The following SLC14A2 variants were observed in gnomAD, a reference collection of about 807,000 sequenced individuals.
SLC14A2 encodes the protein urea transporter 2.
In SLC14A2, 91 loss-of-function variants were observed where a neutral mutation model predicts 104.6. The observed-to-expected ratio is 0.87, with a 90% confidence interval of 0.73 to 1.04. SLC14A2 has a LOEUF of 1.04. SLC14A2 is among the 50% of genes least tolerant of loss of function. The pLI is 0.00. For synonymous variants in SLC14A2, 476 were observed against 466.4 expected (o/e 1.02, Z -0.27); for missense variants, 1,189 against 1,156.0 (o/e 1.03, Z -0.41).
chr18:45,268,578 A>G (rs1434933339), intron 1 of SLC14A2, among the ~76,000 whole-genome samples: 2 of 152,226 alleles, frequency 1.3e-5, no homozygotes, highest in African/African-American at 4.8e-5. Flanking sequence ...TCTTTGGGAT[A>G]GCAACACGGT....
intron 1 of SLC14A2, among the ~76,000 whole-genome samples, chr18:45,250,751 C>CTGACTTTT (rs1165070845): frequency 1.7e-4 from 19 of 113,882 alleles, no homozygotes; most frequent in African/African-American, 3.1e-4. Context: ...CTAGTGGCTT[C>CTGACTTTT]TTCCTTTTTT....
intron 1 of SLC14A2, among the ~76,000 whole-genome samples, chr18:45,407,619 C>T (rs1030547275): frequency 9.9e-5 from 15 of 152,172 alleles, no homozygotes; most frequent in South Asian, 6.2e-4. Flanking sequence ...TCCTCAAAAA[C>T]TTAATCATGT....
At chr18:45,639,721 G>A in intron 6 of SLC14A2, 25 bp from the exon 7 acceptor site, 2 of 1,611,458 alleles carry the variant, frequency 1.2e-6, no homozygotes, top group Non-Finnish European at 1.7e-6. Flanking sequence ...ATGCTCCAGT[G>A]ACCTGTATTC....
In SLC14A2 at chr18:45,583,524, A is replaced by G. The variant is rs142704925; in HGVS notation, c.-34-41107A>G. 3.6e-4 allele frequency among the ~76,000 whole-genome samples: 55 copies of G among 152,364 alleles called. No homozygotes were observed. In the East Asian group the frequency reaches 8.5e-3, roughly 23 times the overall value. On this transcript the variant is annotated intron_variant, in intron 2 of 20. Transcript: ENST00000586448. ...TATTCATCTTAAATCTACATGGTCT[A>G]AAACAGTTCCGTATACATGGTATTT...
intron 1 of SLC14A2, among the ~76,000 whole-genome samples, chr18:45,445,921 G>A (rs993664808): frequency 3.9e-5 from 6 of 152,176 alleles, no homozygotes; most frequent in Non-Finnish European, 8.8e-5. Flanking sequence ...CAGGAAAGTG[G>A]TTCTTTTGGG....
intron 1 of SLC14A2, among the ~76,000 whole-genome samples, chr18:45,363,546 G>C (rs150314298): frequency 6.6e-6 from 1 of 152,110 alleles, no homozygotes; most frequent in East Asian, 1.9e-4. Flanking sequence ...AATAGAGATC[G>C]GAGTCTCAGC....
intron 1 of SLC14A2, among the ~76,000 whole-genome samples, chr18:45,348,100 T>C (rs1350592398): frequency 3.9e-5 from 6 of 152,186 alleles, no homozygotes; most frequent in Admixed American, 3.9e-4. Flanking sequence ...TGCTGCACCA[T>C]CCAGAACACA....
chr18:45,672,494 A>G (rs1384813885), intron 16 of SLC14A2, among the ~76,000 whole-genome samples: 1 of 151,088 alleles, frequency 6.6e-6, no homozygotes. Flanking sequence ...ACGCCATTGC[A>G]CTCCAGCCTG....
At chr18:45,550,583 C>T (rs962959719) in intron 2 of SLC14A2, among the ~76,000 whole-genome samples, 1 of 151,736 alleles carries the variant, frequency 6.6e-6, no homozygotes, top group Admixed American at 6.6e-5. Flanking sequence ...AAATGAATGG[C>T]TCAATCACCA....
intron 1 of SLC14A2, among the ~76,000 whole-genome samples, chr18:45,316,500 G>A (rs964141552): frequency 3.3e-5 from 5 of 152,214 alleles, no homozygotes; most frequent in Non-Finnish European, 2.9e-5. Context: ...ATCTAACATA[G>A]GAAATTGGAT....
chr18:45,252,333 T>A (rs1211773577), intron 1 of SLC14A2, among the ~76,000 whole-genome samples: 1 of 152,208 alleles, frequency 6.6e-6, no homozygotes, highest in African/African-American at 2.4e-5. Context: ...ACCTCAGAAA[T>A]TATCTGTATC....
chr18:45,380,081 TA>T (rs1168246176), intron 1 of SLC14A2, among the ~76,000 whole-genome samples: 1 of 152,212 alleles, frequency 6.6e-6, no homozygotes, highest in African/African-American at 2.4e-5. Context: ...TCTTATACCC[TA>T]GTACCTTTTA....
rs115675656 is a variant in SLC14A2, at chr18:45,557,708, T to C, written c.-34-66923T>C. On this transcript the variant is annotated intron_variant, in intron 2 of 20. Coordinates refer to the SLC14A2 transcript ENST00000586448. ...TTGTGAGTTAGGCATCCCCTCCTAG[T>C]GTGGTCTTCTTCCCTTATTTTGCCT... Among the ~76,000 whole-genome samples, 76 of 152,266 alleles carry C rather than the reference T, an allele frequency of 5.0e-4. 2 individuals are homozygous for C. In the South Asian group the frequency reaches 0.015, roughly 30 times the overall value.
chr18:45,290,472 A>G (rs2084858472), intron 1 of SLC14A2, among the ~76,000 whole-genome samples: 1 of 152,230 alleles, frequency 6.6e-6, no homozygotes, highest in Non-Finnish European at 1.5e-5. Flanking sequence ...CAGGGAGAGA[A>G]AAGAATATTA....
chr18:45,583,191 G>T lies in SLC14A2; in HGVS notation c.-34-41440G>T, dbSNP rs116007829. ...AATCCTCTTTCACTATCATTTAACA[G>T]GATGCCCTATTCCTACCTCCCAGGC... On this transcript the variant is annotated intron_variant, in intron 2 of 20. Coordinates refer to the SLC14A2 transcript ENST00000586448. Among the ~76,000 whole-genome samples the T allele has an allele frequency of 3.9e-3, 600 of 152,282 alleles. 5 individuals carry two copies. The highest frequency in any genetic ancestry group is 0.014 in the African/African-American group (581 of 41,560).
At chr18:45,640,015 C>A in intron 7 of SLC14A2, 122 bp downstream of exon 7, 3 of 942,394 alleles carry the variant, frequency 3.2e-6, no homozygotes, top group Non-Finnish European at 4.7e-6. Flanking sequence ...TTCAGGGAGA[C>A]AGGCACGGTG....
intron 1 of SLC14A2, among the ~76,000 whole-genome samples, chr18:45,421,813 C>T (rs1377194698): frequency 2.6e-5 from 4 of 152,092 alleles, no homozygotes; most frequent in Non-Finnish European, 5.9e-5. Context: ...ATGTTTGGTC[C>T]CAAACCTTAA....
chr18:45,563,507 A>G (rs1315951523), intron 2 of SLC14A2, among the ~76,000 whole-genome samples: 1 of 152,248 alleles, frequency 6.6e-6, no homozygotes, highest in Non-Finnish European at 1.5e-5. Flanking sequence ...TAAAAAGCTG[A>G]CAAATTCTAC....
the SLC14A2 span, among the ~76,000 whole-genome samples, chr18:45,169,544 A>C: frequency 2.0e-5 from 3 of 152,226 alleles, no homozygotes; most frequent in African/African-American, 7.2e-5. Flanking sequence ...AGTCAGAGTT[A>C]CATTAGGTTT....
Sources: gnomAD v4.1 joint callset for allele counts (sites outside exome capture counted in the v4.1 genomes callset) on GRCh38, gnomAD v4.1.1 for gene constraint, MANE v1.5 for transcripts, NCBI Gene and HGNC (gene_info 2026-07-23, HGNC 2026-07-21) for gene names.